EMSY: variants seen among roughly 807,000 people sequenced by gnomAD.
EMSY encodes the protein BRCA2-interacting transcriptional repressor EMSY.
Under a neutral mutation model 134.6 loss-of-function variants are expected in EMSY, and 26 were observed. That is an observed-to-expected ratio of 0.19 (90% CI 0.14 to 0.27). The LOEUF (loss-of-function observed/expected upper bound fraction) is 0.27. Ranked by LOEUF, EMSY falls within the 10% of genes least tolerant of loss-of-function variation. The pLI is 1.00. For synonymous variants in EMSY, 579 were observed against 577.8 expected (o/e 1.00, Z -0.03); for missense variants, 1,305 against 1,611.4 (o/e 0.81, Z 3.26).
At chr11:76,532,509 G>A (rs1193420217) in intron 14 of EMSY, among the ~76,000 whole-genome samples, 3 of 152,082 alleles carry the variant, frequency 2.0e-5, no homozygotes, top group Admixed American at 1.3e-4. Context: ...CAGGTCATAT[G>A]TCATATCGTT....
intron 8 of EMSY, among the ~76,000 whole-genome samples, chr11:76,474,618 T>G (rs1948706093): frequency 6.6e-6 from 1 of 152,228 alleles, no homozygotes; most frequent in Non-Finnish European, 1.5e-5. Context: ...GTCATTATTT[T>G]CTAGTTCTGA....
intron 8 of EMSY, among the ~76,000 whole-genome samples, chr11:76,480,923 A>C (rs1009800700): frequency 6.6e-6 from 1 of 152,254 alleles, no homozygotes; most frequent in Non-Finnish European, 1.5e-5. Flanking sequence ...TGCAACCCAC[A>C]GACCAGGAGA....
At chr11:76,491,454 T>C (rs1202268945) in intron 8 of EMSY, among the ~76,000 whole-genome samples, 1 of 152,122 alleles carries the variant, frequency 6.6e-6, no homozygotes, top group Non-Finnish European at 1.5e-5. Flanking sequence ...GTGCTGAGAT[T>C]ATAGGCATGA....
intron 9 of EMSY, among the ~76,000 whole-genome samples, chr11:76,500,149 A>G (rs1328963178): frequency 6.6e-6 from 1 of 151,812 alleles, no homozygotes; most frequent in Non-Finnish European, 1.5e-5. Flanking sequence ...TGACCTTTTC[A>G]CTGCAAATTA....
intron 10 of EMSY, among the ~76,000 whole-genome samples, chr11:76,515,852 G>A (rs545202001): frequency 6.3e-4 from 96 of 152,288 alleles, no homozygotes; most frequent in Non-Finnish European, 1.3e-3. Flanking sequence ...GTAGAAGAAG[G>A]GTAGTGGAAG....
intron 9 of EMSY, 60 bp downstream of exon 10, chr11:76,496,529 C>A: frequency 6.4e-7 from 1 of 1,570,680 alleles, no homozygotes; most frequent in South Asian, 1.1e-5. Context: ...TTTTTTTAGT[C>A]TTCCAGTCCA....
intron 11 of EMSY, among the ~76,000 whole-genome samples, chr11:76,519,937 T>C (rs866253104): frequency 6.6e-6 from 1 of 152,154 alleles, no homozygotes. Context: ...TGTGTTGTGA[T>C]ACAGAGGAAT....
intron 6 of EMSY, among the ~76,000 whole-genome samples, chr11:76,462,851 C>T (rs1948180913): frequency 6.6e-6 from 1 of 152,090 alleles, no homozygotes; most frequent in Non-Finnish European, 1.5e-5. Flanking sequence ...ATAAAAACTA[C>T]TAAAGGATTT....
intron 14 of EMSY, among the ~76,000 whole-genome samples, chr11:76,535,668 T>G (rs1951196801): frequency 6.6e-6 from 1 of 152,124 alleles, no homozygotes; most frequent in Admixed American, 6.6e-5. Flanking sequence ...TTCTGGCACA[T>G]AAGTGTCCAG....
At chr11:76,521,550 G>A (rs1950637381) in intron 11 of EMSY, among the ~76,000 whole-genome samples, 1 of 151,880 alleles carries the variant, frequency 6.6e-6, no homozygotes. Context: ...ATCCCTTGAG[G>A]CCAGGAGTTC....
exon 7 of EMSY, chr11:76,463,869 C>T (rs1400466800): frequency 6.2e-7 from 1 of 1,614,188 alleles, no homozygotes; most frequent in Admixed American, 1.7e-5. Context: ...CGAAGGCGAA[C>T]AAACTCTTCC....
At chr11:76,471,214 T>TA (rs1948555999) in intron 7 of EMSY, among the ~76,000 whole-genome samples, 2 of 152,150 alleles carry the variant, frequency 1.3e-5, no homozygotes, top group Non-Finnish European at 2.9e-5. Context: ...AATGATTTTT[T>TA]AAAAAATGGA....
chr11:76,492,172 A>G (rs1166647259), intron 8 of EMSY, among the ~76,000 whole-genome samples: 1 of 152,202 alleles, frequency 6.6e-6, no homozygotes, highest in African/African-American at 2.4e-5. Flanking sequence ...TGTTGAAGAC[A>G]TGGATTTAAA....
chr11:76,535,409 T>G (rs1055246678), intron 14 of EMSY, among the ~76,000 whole-genome samples: 2 of 152,176 alleles, frequency 1.3e-5, no homozygotes, highest in Non-Finnish European at 2.9e-5. Context: ...GTTGACAGAA[T>G]GCTCAGGCTG....
exon 19 of EMSY, chr11:76,544,383 A>G (rs1187466884): frequency 6.2e-7 from 1 of 1,614,076 alleles, no homozygotes; most frequent in Non-Finnish European, 8.5e-7. Flanking sequence ...GCCCTGACTC[A>G]GTCACAGTCA....
intron 9 of EMSY, among the ~76,000 whole-genome samples, chr11:76,509,480 G>C (rs1459814535): frequency 6.6e-6 from 1 of 152,060 alleles, no homozygotes; most frequent in Non-Finnish European, 1.5e-5. Context: ...GTAACAGAGC[G>C]AGACTCCGTC....
chr11:76,490,069 T>C (rs1348190586), intron 8 of EMSY, among the ~76,000 whole-genome samples: 1 of 152,204 alleles, frequency 6.6e-6, no homozygotes, highest in Non-Finnish European at 1.5e-5. Flanking sequence ...ATATTAATTA[T>C]CGGTAGGATT....
chr11:76,467,907 A>C (rs1368943628), intron 7 of EMSY, among the ~76,000 whole-genome samples: 20 of 151,364 alleles, frequency 1.3e-4, no homozygotes, highest in Non-Finnish European at 1.5e-5. Flanking sequence ...TGAACCCGGG[A>C]GACAGAGGTT....
At chr11:76,482,355 C>T (rs1394127299) in intron 8 of EMSY, among the ~76,000 whole-genome samples, 2 of 152,168 alleles carry the variant, frequency 1.3e-5, no homozygotes, top group East Asian at 3.9e-4. Flanking sequence ...TCCAAAGGAT[C>T]ATAACTCCTT....
Sources: gnomAD v4.1 joint callset for allele counts (sites outside exome capture counted in the v4.1 genomes callset) on GRCh38, gnomAD v4.1.1 for gene constraint, MANE v1.5 for transcripts, NCBI Gene and HGNC (gene_info 2026-07-23, HGNC 2026-07-21) for gene names.